The following MCMBP variants were observed in gnomAD, a reference collection of about 807,000 sequenced individuals.
MCMBP encodes the protein mini-chromosome maintenance complex-binding protein.
MCMBP carries 31 observed loss-of-function variants against 81.3 expected under a neutral mutation model. The observed-to-expected ratio is 0.38, with a 90% CI of 0.29 to 0.51. The LOEUF (loss-of-function observed/expected upper bound fraction) is 0.51, where lower values mean the gene tolerates loss of function less well. Ranked by LOEUF, MCMBP falls within the 20% of genes least tolerant of loss-of-function variation. The probability of loss-of-function intolerance (pLI) is 0.87; values close to 1 mark genes in which losing one functional copy is unlikely to be tolerated. For missense variants in MCMBP, 645 were observed against 772.1 expected (o/e 0.84, Z 1.95); for synonymous variants, 267 against 275.9 (o/e 0.97, Z 0.32).
intron 4 of MCMBP, 49 bp from the exon 5 acceptor site, chr10:119,857,488 A>G (rs1253123798): frequency 7.7e-7 from 1 of 1,295,886 alleles, no homozygotes; most frequent in Non-Finnish European, 1.1e-6. Flanking sequence ...TAAAAAACCC[A>G]AAATTTATTT....
Position 119,841,849 on chromosome 10 carries a change from A to G in MCMBP, c.1124+623T>C, listed in dbSNP as rs1589780910. ...TGACGTGGGCGCCTTGGGATGTATA[A>G]ACAGAGCGTTCAGAATGCAAAAGGG... is the stretch of plus-strand genomic sequence containing the variant. On this transcript the variant is annotated intron_variant, in intron 10 of 15. Coordinates refer to ENST00000369077, the MANE Select transcript of MCMBP (RefSeq NM_001256378.2). Among the ~76,000 whole-genome samples, 3 of 152,352 alleles carry G rather than the reference A, an allele frequency of 2.0e-5. No homozygotes were observed. In the East Asian group the frequency reaches 5.8e-4, roughly 29 times the overall value.
rs1407213389 is a variant in MCMBP, at chr10:119,838,651, A to C, written c.1292T>G (p.Ile431Ser). The stretch of plus-strand genomic sequence containing the variant: ...ATTGGCTGTGTAGTCTTTGTGGGGA[A>C]TGAATTTCAAATGGTTCATGTTCTC... ...TIENMNHLKF[I>S]PHKDYTANRL... Residue 431 changes from isoleucine to serine, a missense_variant, in exon 12 of 16, where the codon ATT becomes AGT. Ile to Ser is a moderately radical substitution (Grantham distance 142). Coordinates refer to ENST00000369077, the MANE Select transcript of MCMBP (RefSeq NM_001256378.2). 6.2e-7 allele frequency: 1 copy of C among 1,614,060 alleles called. No individual in the cohort carries two copies. The highest frequency in any genetic ancestry group is 1.7e-5 in the Admixed American group (1 of 60,026).
At chr10:119,870,579 A>T (rs1853637334) in intron 1 of MCMBP, among the ~76,000 whole-genome samples, 1 of 152,242 alleles carries the variant, frequency 6.6e-6, no homozygotes, top group African/African-American at 2.4e-5. Context: ...AAGGTGAAGG[A>T]TCTTCAAAGA....
chr10:119,845,006 T>C (rs1444643998), intron 8 of MCMBP, among the ~76,000 whole-genome samples: 9 of 152,238 alleles, frequency 5.9e-5, no homozygotes, highest in Non-Finnish European at 1.3e-4. Context: ...CTTGTGATCA[T>C]GTGAGTCATT....
At chr10:119,868,775 A>G (rs1229125187) in intron 1 of MCMBP, among the ~76,000 whole-genome samples, 1 of 152,232 alleles carries the variant, frequency 6.6e-6, no homozygotes, top group Non-Finnish European at 1.5e-5. Flanking sequence ...AAGGAAAAGT[A>G]AGACTTAGCC....
chr10:119,836,914 C>G lies in MCMBP; in HGVS notation c.1524G>C (p.Glu508Asp). The G allele has an allele frequency of 6.2e-7, 1 of 1,611,908 alleles. No individual in the cohort carries two copies. Among genetic ancestry groups the G allele is most frequent in the Non-Finnish European group, 8.5e-7 (1 of 1,178,818 alleles). ...PCNINVFITSEGRSLLPADCQ... is the reference protein window; with the variant it reads ...PCNINVFITSDGRSLLPADCQ... The stretch of plus-strand genomic sequence containing the variant: ...ATCATACCGGGAGGAGTGACCTCCC[C>G]TCCGAAGTAATGAAAACGTTAATAT... The change falls in exon 13 of 16, where the codon GAG becomes GAC. Residue 508 changes from glutamate to aspartate, a missense_variant. Physicochemically the swap from Glu to Asp is conservative, Grantham distance 45 (BLOSUM62 2). Transcript: ENST00000369077.
chr10:119,872,499 C>T lies in MCMBP; in HGVS notation c.58+28G>A, dbSNP rs1024136847. On this transcript the variant is annotated intron_variant, in intron 1 of 15. Transcript: ENST00000369077. ...GGCCCGGCAAACTCGGCTGCCCGCCCGGCCCGCCCCCCGGCGCCGCCACTC... is the reference window on the plus strand; with the variant it reads ...GGCCCGGCAAACTCGGCTGCCCGCCTGGCCCGCCCCCCGGCGCCGCCACTC... 20 of 1,171,262 alleles carry T rather than the reference C, an allele frequency of 1.7e-5. No homozygotes were observed. In the African/African-American group the frequency reaches 2.9e-4, roughly 17 times the overall value. 72.6% of individuals were successfully genotyped at this position (1,171,262 alleles called of 1,614,324 possible).
chr10:119,842,261 A>G (rs530564345), intron 10 of MCMBP, among the ~76,000 whole-genome samples: 3 of 151,948 alleles, frequency 2.0e-5, no homozygotes, highest in Non-Finnish European at 4.4e-5. Flanking sequence ...TTTTGGCTCT[A>G]AAATTTAAGG....
At chr10:119,861,458 A>T (rs1455774037) in intron 1 of MCMBP, among the ~76,000 whole-genome samples, 1 of 152,198 alleles carries the variant, frequency 6.6e-6, no homozygotes, top group Non-Finnish European at 1.5e-5. Context: ...TTCATATTTT[A>T]AAAAGCCCTC....
intron 8 of MCMBP, among the ~76,000 whole-genome samples, chr10:119,843,725 G>A (rs1852520609): frequency 1.3e-5 from 2 of 151,814 alleles, no homozygotes; most frequent in Non-Finnish European, 2.9e-5. Context: ...GCAGTGATGC[G>A]ATCTTGGCTC....
chr10:119,839,022 T>C (rs1329355977), intron 11 of MCMBP, among the ~76,000 whole-genome samples: 1 of 152,206 alleles, frequency 6.6e-6, no homozygotes, highest in African/African-American at 2.4e-5. Context: ...CTCTTTCACC[T>C]AACACAAGCT....
At chr10:119,867,684 G>A (rs910445690) in intron 1 of MCMBP, among the ~76,000 whole-genome samples, 1 of 152,196 alleles carries the variant, frequency 6.6e-6, no homozygotes, top group Non-Finnish European at 1.5e-5. Flanking sequence ...AAGAGAAAGT[G>A]TGCAGAGATT....
Position 119,853,201 on chromosome 10 carries a change from C to T in MCMBP, c.430-7G>A, listed in dbSNP as rs747331300. On this transcript the variant is annotated splice_region_variant and splice_polypyrimidine_tract_variant and intron_variant, in intron 5 of 15. Transcript: ENST00000369077. The stretch of plus-strand genomic sequence containing the variant: ...GGTTTGCATTAACATAGGCGTTAAA[C>T]GAAAAGTTAAGAAAAGACTATCATA... The T allele has an allele frequency of 8.1e-6, 13 of 1,609,566 alleles. No homozygotes were observed. The African/African-American group carries it at 1.1e-4, about 13-fold the overall frequency.
At chr10:119,839,256 C>T (rs1218474994) in intron 11 of MCMBP, among the ~76,000 whole-genome samples, 1 of 152,174 alleles carries the variant, frequency 6.6e-6, no homozygotes, top group Non-Finnish European at 1.5e-5. Context: ...CAGTGTTTAA[C>T]GAGTAAGCGA....
intron 1 of MCMBP, among the ~76,000 whole-genome samples, chr10:119,863,120 G>T (rs1023537436): frequency 2.6e-5 from 4 of 151,992 alleles, no homozygotes; most frequent in African/African-American, 9.7e-5. Context: ...GCTCCTAATA[G>T]AATTTTTTTT....
At position 119,853,197 on chromosome 10, in the gene MCMBP, T is replaced by TAAACGAAAAGTTAAGAAAAGAC. The variant is rs747578076; in HGVS notation, c.430-25_430-4dup. 6.2e-7 allele frequency: 1 copy of TAAACGAAAAGTTAAGAAAAGAC among 1,611,434 alleles called. No homozygotes were observed. Among genetic ancestry groups the TAAACGAAAAGTTAAGAAAAGAC allele is most frequent in the African/African-American group, 1.3e-5 (1 of 74,992 alleles). On this transcript the variant is annotated splice_polypyrimidine_tract_variant and splice_region_variant and intron_variant, in intron 5 of 15. Transcript: ENST00000369077. ...GCTTGGTTTGCATTAACATAGGCGT[T>TAAACGAAAAGTTAAGAAAAGAC]AAACGAAAAGTTAAGAAAAGACTAT...
intron 13 of MCMBP, 90 bp from the exon 14 acceptor site, chr10:119,835,794 T>G (rs1001727324): frequency 4.4e-6 from 6 of 1,354,676 alleles, no homozygotes; most frequent in Non-Finnish European, 6.2e-6. Flanking sequence ...TCAGCCCCTA[T>G]GGGAATTAGA....
In MCMBP at chr10:119,864,726, A is replaced by G. The variant is rs1853392318; in HGVS notation, c.59-4842T>C. Among the ~76,000 whole-genome samples, 4 of 112,922 alleles carry G rather than the reference A, an allele frequency of 3.5e-5. No homozygotes were observed. The South Asian group carries it at 9.2e-4, about 26-fold the overall frequency. The allele number at this position is 112,922 out of a possible 152,430, so 74.1% of individuals were successfully genotyped here. ...CTTCATTTCTAGTTTCATAGGTGGA[A>G]GCTTAAATTATTCACTTGAGACCTT... On this transcript the variant is annotated intron_variant, in intron 1 of 15. Coordinates refer to ENST00000369077, the MANE Select transcript of MCMBP (RefSeq NM_001256378.2).
intron 5 of MCMBP, among the ~76,000 whole-genome samples, chr10:119,856,953 C>T (rs941355357): frequency 1.3e-5 from 2 of 151,456 alleles, no homozygotes. Context: ...TCAAAAAATT[C>T]GCCAGGGATG....
Sources: gnomAD v4.1 joint callset for allele counts (sites outside exome capture counted in the v4.1 genomes callset) on GRCh38, gnomAD v4.1.1 for gene constraint, MANE v1.5 for transcripts, NCBI Gene and HGNC (gene_info 2026-07-23, HGNC 2026-07-21) for gene names.